SLC36A1: variants seen among roughly 807,000 people sequenced by gnomAD.
The protein encoded by SLC36A1 is proton-coupled amino acid transporter 1.
In SLC36A1, 30 loss-of-function variants were observed where a neutral mutation model predicts 47.5. The ratio of observed to expected loss-of-function variants is 0.63; its 90% CI spans 0.47 to 0.86. The LOEUF is 0.86. Ranked by LOEUF, SLC36A1 falls within the 40% of genes least tolerant of loss-of-function variation. The pLI is 0.00. For missense variants in SLC36A1, 517 were observed against 606.0 expected (o/e 0.85, Z 1.54); for synonymous variants, 255 against 249.7 (o/e 1.02, Z -0.20).
the SLC36A1 span, among the ~76,000 whole-genome samples, chr5:151,426,456 G>T: frequency 1.9e-3 from 286 of 152,152 alleles, 1 homozygote; most frequent in African/African-American, 6.5e-3. Flanking sequence ...TTAAGGAAAG[G>T]TGCTGTGCCT....
At chr5:151,494,976 T>C (rs759265180), downstream of SLC36A1, among the ~76,000 whole-genome samples, 10 of 152,230 alleles carry the variant, frequency 6.6e-5, no homozygotes, top group Non-Finnish European at 1.0e-4. Flanking sequence ...TACAGGTCTT[T>C]GTGTAGACCT....
chr5:151,501,703 A>G, the SLC36A1 span, among the ~76,000 whole-genome samples: 2 of 148,400 alleles, frequency 1.3e-5, no homozygotes, highest in African/African-American at 5.3e-5. Flanking sequence ...TACTATCTTC[A>G]TTTTACTGAG....
At chr5:151,387,392 C>T in the SLC36A1 span, among the ~76,000 whole-genome samples, 1 of 152,166 alleles carries the variant, frequency 6.6e-6, no homozygotes, top group Non-Finnish European at 1.5e-5. Context: ...TGCTAGAGAA[C>T]ATAGCAAGGT....
chr5:151,420,618 C>T, the SLC36A1 span, among the ~76,000 whole-genome samples: 1 of 152,134 alleles, frequency 6.6e-6, no homozygotes, highest in South Asian at 2.1e-4. Context: ...GCTTATTTTC[C>T]CAACTTCATT....
chr5:151,393,491 G>A, the SLC36A1 span, among the ~76,000 whole-genome samples: 5 of 152,062 alleles, frequency 3.3e-5, no homozygotes, highest in Admixed American at 2.6e-4. Context: ...CAGTTTCTTC[G>A]TAGCATCAAT....
chr5:151,368,912 C>T, the SLC36A1 span, among the ~76,000 whole-genome samples: 1 of 152,194 alleles, frequency 6.6e-6, no homozygotes, highest in African/African-American at 2.4e-5. Context: ...AATGCCTTTG[C>T]TAAATAATTC....
At chr5:151,536,689 A>C in the SLC36A1 span, among the ~76,000 whole-genome samples, 1 of 152,138 alleles carries the variant, frequency 6.6e-6, no homozygotes, top group Non-Finnish European at 1.5e-5. Flanking sequence ...CAACCCATCC[A>C]CTGAGCCAGA....
At chr5:151,435,922 T>C (rs1282767808), upstream of SLC36A1, among the ~76,000 whole-genome samples, 1 of 151,752 alleles carries the variant, frequency 6.6e-6, no homozygotes, top group Admixed American at 6.6e-5. Flanking sequence ...ATGCAGAAAG[T>C]TTAAAGTAAA....
At chr5:151,349,568 G>A in the SLC36A1 span, among the ~76,000 whole-genome samples, 3 of 152,118 alleles carry the variant, frequency 2.0e-5, no homozygotes, top group Admixed American at 6.5e-5. Context: ...GACTTCCAAA[G>A]GCATGAGAAC....
At chr5:151,455,182 C>T (rs1350205686) in intron 1 of SLC36A1, among the ~76,000 whole-genome samples, 3 of 152,018 alleles carry the variant, frequency 2.0e-5, no homozygotes, top group South Asian at 2.1e-4. Context: ...TGGATGGAGC[C>T]GAGGTCCACT....
chr5:151,409,805 G>C, the SLC36A1 span, among the ~76,000 whole-genome samples: 2 of 152,158 alleles, frequency 1.3e-5, no homozygotes, highest in African/African-American at 4.8e-5. Context: ...AAATCAGCTG[G>C]GGAAATGTAT....
At chr5:151,451,477 A>G (rs369331534) in intron 1 of SLC36A1, among the ~76,000 whole-genome samples, 109 of 152,290 alleles carry the variant, frequency 7.2e-4, no homozygotes, top group African/African-American at 2.1e-3. Context: ...CACCATCTCC[A>G]AGGTAGGGAC....
intron 1 of SLC36A1, chr5:151,450,821 C>G (rs570597747): frequency 6.6e-6 from 1 of 152,226 alleles, no homozygotes; most frequent in Non-Finnish European, 1.5e-5. Flanking sequence ...TGCTGATAAC[C>G]GCTTCCAAAG....
At chr5:151,428,529 G>A in the SLC36A1 span, among the ~76,000 whole-genome samples, 13 of 152,268 alleles carry the variant, frequency 8.5e-5, no homozygotes, top group East Asian at 1.9e-4. Context: ...TCTTGGCACC[G>A]TTGCCAACTA....
At chr5:151,543,557 G>T in the SLC36A1 span, 1 of 1,614,152 alleles carries the variant, frequency 6.2e-7, no homozygotes. Flanking sequence ...TCACTTGCTA[G>T]TTTATTGATG....
chr5:151,393,253 T>G, the SLC36A1 span, among the ~76,000 whole-genome samples: 23 of 152,164 alleles, frequency 1.5e-4, no homozygotes, highest in African/African-American at 5.3e-4. Context: ...TCCATTTGCT[T>G]GGTAGTTCTT....
the SLC36A1 span, among the ~76,000 whole-genome samples, chr5:151,345,366 T>A: frequency 6.6e-6 from 1 of 152,198 alleles, no homozygotes; most frequent in Non-Finnish European, 1.5e-5. Flanking sequence ...AGCTGTGTCA[T>A]CTTGGGCAAC....
the SLC36A1 span, among the ~76,000 whole-genome samples, chr5:151,498,977 C>T: frequency 7.6e-4 from 116 of 152,304 alleles, no homozygotes; most frequent in African/African-American, 2.7e-3. Flanking sequence ...CCTGAGGGCA[C>T]TGATCAATCA....
chr5:151,351,454 C>T, the SLC36A1 span, among the ~76,000 whole-genome samples: 1 of 151,488 alleles, frequency 6.6e-6, no homozygotes, highest in Non-Finnish European at 1.5e-5. Flanking sequence ...TAGGTATAGG[C>T]TCTGACACAT....
Sources: gnomAD v4.1 joint callset for allele counts (sites outside exome capture counted in the v4.1 genomes callset) on GRCh38, gnomAD v4.1.1 for gene constraint, MANE v1.5 for transcripts, NCBI Gene and HGNC (gene_info 2026-07-23, HGNC 2026-07-21) for gene names.